CADM2: variants seen among roughly 807,000 people sequenced by gnomAD.
The protein encoded by CADM2 is immunoglobulin superfamily member 4D.
CADM2 carries 12 observed loss-of-function variants against 49.8 expected under a neutral mutation model. The observed-to-expected ratio is 0.24, with a 90% CI of 0.15 to 0.39. The LOEUF is 0.39. Ranked by LOEUF, CADM2 falls within the 10% of genes least tolerant of loss-of-function variation. CADM2 has a pLI of 1.00. For synonymous variants in CADM2, 214 were observed against 175.4 expected, an observed-to-expected ratio of 1.22 and a Z score of -1.74; for missense variants, 378 against 492.3, an observed-to-expected ratio of 0.77 and a Z score of 2.20.
intron 1 of CADM2, among the ~76,000 whole-genome samples, chr3:85,119,684 GGT>G (rs963686140): frequency 2.5e-4 from 38 of 152,022 alleles, no homozygotes; most frequent in Non-Finnish European, 3.7e-4. Flanking sequence ...CTTGAGCAGT[GGT>G]TTGTAGTTCT....
chr3:85,324,868 T>C (rs2044706251), intron 1 of CADM2, among the ~76,000 whole-genome samples: 2 of 152,224 alleles, frequency 1.3e-5, no homozygotes. Context: ...TGAAGTCAGC[T>C]GCAGTGTCAT....
At chr3:85,899,855 C>A (rs1715856429) in intron 5 of CADM2, among the ~76,000 whole-genome samples, 1 of 152,124 alleles carries the variant, frequency 6.6e-6, no homozygotes, top group South Asian at 2.1e-4. Context: ...CTTGTCCCAG[C>A]CTCAGTTTCC....
intron 1 of CADM2, among the ~76,000 whole-genome samples, chr3:85,409,754 C>T (rs186392762): frequency 8.4e-4 from 128 of 152,054 alleles, no homozygotes; most frequent in South Asian, 8.3e-4. Flanking sequence ...TGAATGAAGA[C>T]GTATTTATAA....
At position 85,034,307 on chromosome 3, in the gene CADM2, G is replaced by T. The variant is rs2035114614; in HGVS notation, c.61+74639G>T. Among the ~76,000 whole-genome samples the T allele has an allele frequency of 4.0e-5, 6 of 151,424 alleles. No individual in the cohort carries two copies. The South Asian group carries it at 1.2e-3, about 32-fold the overall frequency. On this transcript the variant is annotated intron_variant, in intron 1 of 9. Coordinates refer to ENST00000383699, the MANE Select transcript of CADM2 (RefSeq NM_001167675.2). ...CACACTACGCTTCCCAGCTTCTAAT[G>T]AGTTCAGTTGTTTTCATTTTTAGCT... is the stretch of plus-strand genomic sequence containing the variant.
chr3:85,672,786 A>G lies in CADM2; in HGVS notation c.62-53736A>G, dbSNP rs556882800. 2.0e-5 allele frequency among the ~76,000 whole-genome samples: 3 copies of G among 152,326 alleles called. No homozygotes were observed. The South Asian group carries it at 6.2e-4, about 32-fold the overall frequency. ...ATGTTACAGAAATGGTTATGTGTAT[A>G]AAGAAGTGTGTAAGCAATCTTAGTG... On this transcript the variant is annotated intron_variant, in intron 1 of 9. Transcript: ENST00000383699.
At chr3:85,957,048 T>C (rs567323175) in intron 7 of CADM2, among the ~76,000 whole-genome samples, 1 of 151,790 alleles carries the variant, frequency 6.6e-6, no homozygotes, top group African/African-American at 2.4e-5. Flanking sequence ...ATATGGGTCT[T>C]ATGTGACTTT....
At chr3:85,577,234 G>A (rs911509221) in intron 1 of CADM2, among the ~76,000 whole-genome samples, 1 of 152,102 alleles carries the variant, frequency 6.6e-6, no homozygotes, top group Non-Finnish European at 1.5e-5. Flanking sequence ...ATTTGAACGT[G>A]TCCCCCGGAG....
chr3:85,494,467 T>C (rs1220779809), intron 1 of CADM2, among the ~76,000 whole-genome samples: 2 of 152,110 alleles, frequency 1.3e-5, no homozygotes, highest in African/African-American at 4.8e-5. Flanking sequence ...TGTAATGCAT[T>C]TTTGTATCTA....
In CADM2 at chr3:85,657,102, G is replaced by A. The variant is rs564127102; in HGVS notation, c.62-69420G>A. On this transcript the variant is annotated intron_variant, in intron 1 of 9. Transcript: ENST00000383699. ...CTTAGATTCAAGCCATCTCCTCTAC[G>A]AGGGCTTTTCTAAACTTTTAGCTAG... Among the ~76,000 whole-genome samples the A allele has an allele frequency of 3.3e-5, 5 of 152,162 alleles. No individual in the cohort carries two copies. The South Asian group carries it at 1.0e-3, about 32-fold the overall frequency.
intron 1 of CADM2, among the ~76,000 whole-genome samples, chr3:85,584,183 G>T (rs539621434): frequency 6.6e-6 from 1 of 152,022 alleles, no homozygotes; most frequent in Non-Finnish European, 1.5e-5. Flanking sequence ...GTATACTTCA[G>T]TTGTAATATT....
At chr3:85,859,832 C>T (rs1397413142) in intron 3 of CADM2, among the ~76,000 whole-genome samples, 1 of 151,932 alleles carries the variant, frequency 6.6e-6, no homozygotes, top group Non-Finnish European at 1.5e-5. Flanking sequence ...AAAGAAAAAT[C>T]GTAGAATTTT....
intron 1 of CADM2, among the ~76,000 whole-genome samples, chr3:85,395,208 G>A (rs898708024): frequency 6.7e-6 from 1 of 148,948 alleles, no homozygotes; most frequent in Non-Finnish European, 1.5e-5. Context: ...TGAGGCTGGA[G>A]GATCACATGA....
chr3:85,753,429 C>T (rs907193308), intron 2 of CADM2, among the ~76,000 whole-genome samples: 1 of 152,050 alleles, frequency 6.6e-6, no homozygotes, highest in Admixed American at 6.6e-5. Flanking sequence ...TAGGCAGACA[C>T]CAGAACCCTG....
chr3:85,966,446 C>A (rs1725483888), intron 8 of CADM2, among the ~76,000 whole-genome samples: 1 of 151,506 alleles, frequency 6.6e-6, no homozygotes, highest in Non-Finnish European at 1.5e-5. Context: ...TAACTTATTC[C>A]CTTACTTCAT....
intron 1 of CADM2, among the ~76,000 whole-genome samples, chr3:85,651,578 T>C (rs549260481): frequency 1.5e-4 from 23 of 152,260 alleles, no homozygotes; most frequent in African/African-American, 5.5e-4. Flanking sequence ...CAAATCACAA[T>C]TTCTGATATA....
intron 1 of CADM2, among the ~76,000 whole-genome samples, chr3:85,374,172 T>C (rs2033449675): frequency 2.0e-5 from 3 of 152,306 alleles, no homozygotes; most frequent in African/African-American, 4.8e-5. Context: ...ACCATATCTT[T>C]ATAAGTTAAT....
At chr3:85,382,718 A>C (rs2107360066) in intron 1 of CADM2, among the ~76,000 whole-genome samples, 1 of 152,314 alleles carries the variant, frequency 6.6e-6, no homozygotes, top group Non-Finnish European at 1.5e-5. Context: ...ATGATCTTAT[A>C]TTTTACAACA....
intron 1 of CADM2, among the ~76,000 whole-genome samples, chr3:85,388,794 C>A (rs557445991): frequency 2.0e-5 from 3 of 151,530 alleles, no homozygotes; most frequent in Admixed American, 2.0e-4. Flanking sequence ...TAAAAAAAAA[C>A]ACAGAAAAAT....
At chr3:85,494,348 C>A (rs530344645) in intron 1 of CADM2, among the ~76,000 whole-genome samples, 5 of 151,976 alleles carry the variant, frequency 3.3e-5, no homozygotes, top group African/African-American at 1.2e-4. Flanking sequence ...TGCTTTATGC[C>A]AATTATTATT....
Sources: allele counts gnomAD v4.1 joint callset (sites outside exome capture counted in the v4.1 genomes callset), GRCh38; gene constraint gnomAD v4.1.1; transcripts MANE v1.5; gene names NCBI Gene and HGNC (gene_info 2026-07-23, HGNC 2026-07-21).